Variants in DNAH11 observed in about 807,000 individuals in gnomAD.
DNAH11 encodes the protein axonemal beta dynein heavy chain 11.
A neutral mutation model predicts 526.0 loss-of-function variants in DNAH11; 442 were observed. That is an observed-to-expected ratio of 0.84 (90% CI 0.78 to 0.91). The LOEUF is 0.91. Among genes scored for constraint, DNAH11 ranks in the 40% least tolerant of loss-of-function variants. The pLI is 0.00. For missense variants in DNAH11, 6,989 were observed against 5,448.7 expected (o/e 1.28, Z -8.90); for synonymous variants, 2,461 against 1,935.9 (o/e 1.27, Z -7.12).
chr7:21,635,945 A>C lies in DNAH11; in HGVS notation c.4575A>C (p.Lys1525Asn). 1.9e-6 allele frequency: 3 copies of C among 1,613,506 alleles called. No homozygotes were observed. The highest frequency in any genetic ancestry group is 2.5e-6 in the Non-Finnish European group (3 of 1,179,678). The change falls in exon 26 of 82, where the codon AAA (lysine) becomes AAC (asparagine). Residue 1525 changes from lysine to asparagine, a missense_variant. Transcript: ENST00000409508. Reference sequence around the variant, plus strand: ...AGCAAGTGTTAAGCTGGCAAAATAAATTAAACATAGCAGACTTGGTCATCT... The same window carrying C: ...AGCAAGTGTTAAGCTGGCAAAATAACTTAAACATAGCAGACTTGGTCATCT... ...FIEQVLSWQN[K>N]LNIADLVIFT... is the part of the protein sequence containing the mutation.
At chr7:21,763,112 G>T (rs1419676120) in intron 54 of DNAH11, among the ~76,000 whole-genome samples, 2 of 152,118 alleles carry the variant, frequency 1.3e-5, no homozygotes, top group Non-Finnish European at 1.5e-5. Flanking sequence ...GAGATGCTGA[G>T]GCAGGTGGAT....
chr7:21,719,455 T>A (rs1453556479), intron 43 of DNAH11, among the ~76,000 whole-genome samples: 1 of 152,206 alleles, frequency 6.6e-6, no homozygotes, highest in East Asian at 1.9e-4. Context: ...CACATGGCCG[T>A]ATTCGTGTGT....
intron 30 of DNAH11, among the ~76,000 whole-genome samples, chr7:21,672,906 A>G (rs908051887): frequency 2.0e-5 from 3 of 152,154 alleles, no homozygotes; most frequent in Admixed American, 6.5e-5. Context: ...TAGGTCTGAC[A>G]TTGTCCTACA....
At chr7:21,827,512 A>G (rs1790356136) in intron 65 of DNAH11, among the ~76,000 whole-genome samples, 1 of 151,784 alleles carries the variant, frequency 6.6e-6, no homozygotes, top group Admixed American at 6.6e-5. Context: ...TGGAGTATAT[A>G]CATATATTAT....
At chr7:21,874,369 C>G (rs1783621429) in intron 74 of DNAH11, among the ~76,000 whole-genome samples, 1 of 150,186 alleles carries the variant, frequency 6.7e-6, no homozygotes, top group Admixed American at 6.6e-5. Context: ...GAGTTTTGCT[C>G]TTGTCGCCCA....
chr7:21,829,595 A>T (rs1019582722), intron 65 of DNAH11, among the ~76,000 whole-genome samples: 1 of 152,156 alleles, frequency 6.6e-6, no homozygotes, highest in African/African-American at 2.4e-5. Flanking sequence ...GAAAATAGTG[A>T]TGGTGTTTGT....
chr7:21,612,897 A>G (rs1230122775), intron 20 of DNAH11, among the ~76,000 whole-genome samples: 1 of 151,882 alleles, frequency 6.6e-6, no homozygotes, highest in Admixed American at 6.5e-5. Flanking sequence ...AATTAGGGAG[A>G]AAAAATCGTA....
chr7:21,793,419 C>G (rs1239203252), intron 61 of DNAH11, among the ~76,000 whole-genome samples: 1 of 151,826 alleles, frequency 6.6e-6, no homozygotes, highest in African/African-American at 2.4e-5. Flanking sequence ...AGATTGAGAC[C>G]ATCCTGGCCA....
intron 14 of DNAH11, among the ~76,000 whole-genome samples, chr7:21,594,744 G>A (rs1353764972): frequency 6.6e-6 from 1 of 152,080 alleles, no homozygotes; most frequent in Non-Finnish European, 1.5e-5. Flanking sequence ...GTAAGTGTGG[G>A]GGGAGTAGAG....
intron 57 of DNAH11, among the ~76,000 whole-genome samples, chr7:21,780,152 A>C (rs1252592209): frequency 6.6e-6 from 1 of 152,144 alleles, no homozygotes; most frequent in Non-Finnish European, 1.5e-5. Context: ...AAAATTGAAG[A>C]TAAGGCACAT....
intron 75 of DNAH11, among the ~76,000 whole-genome samples, chr7:21,883,904 G>A (rs993898072): frequency 2.6e-5 from 4 of 152,152 alleles, no homozygotes; most frequent in African/African-American, 9.7e-5. Flanking sequence ...TTAGCGAGAT[G>A]TAGTGTCCTG....
intron 28 of DNAH11, among the ~76,000 whole-genome samples, chr7:21,652,966 T>C (rs1407992236): frequency 6.6e-6 from 1 of 152,086 alleles, no homozygotes; most frequent in Non-Finnish European, 1.5e-5. Context: ...AACCTCTGCC[T>C]CCCAGGTTCA....
intron 55 of DNAH11, among the ~76,000 whole-genome samples, chr7:21,767,718 A>G (rs933978275): frequency 6.6e-6 from 1 of 152,254 alleles, no homozygotes; most frequent in Admixed American, 6.5e-5. Flanking sequence ...ATTATAATTC[A>G]GAGTACAATG....
intron 74 of DNAH11, among the ~76,000 whole-genome samples, chr7:21,878,129 A>G (rs1222243348): frequency 6.6e-6 from 1 of 152,206 alleles, no homozygotes; most frequent in Non-Finnish European, 1.5e-5. Context: ...TTTTTTAAAT[A>G]TTTCCTTATC....
intron 36 of DNAH11, among the ~76,000 whole-genome samples, chr7:21,700,876 AC>A (rs1170513858): frequency 1.3e-5 from 2 of 152,104 alleles, no homozygotes; most frequent in African/African-American, 2.4e-5. Context: ...ACCAAACACC[AC>A]ATATTCTCAC....
intron 8 of DNAH11, among the ~76,000 whole-genome samples, chr7:21,578,656 G>C (rs1784193634): frequency 6.6e-6 from 1 of 152,218 alleles, no homozygotes; most frequent in African/African-American, 2.4e-5. Flanking sequence ...CCCTAGCAGA[G>C]GTTCTCCATG....
At chr7:21,581,379 C>T (rs1784301675) in intron 8 of DNAH11, among the ~76,000 whole-genome samples, 1 of 152,126 alleles carries the variant, frequency 6.6e-6, no homozygotes, top group South Asian at 2.1e-4. Context: ...TATTTGTTTC[C>T]TCTGTATCAC....
At chr7:21,556,275 C>T (rs1344565429) in intron 2 of DNAH11, among the ~76,000 whole-genome samples, 1 of 152,124 alleles carries the variant, frequency 6.6e-6, no homozygotes, top group Non-Finnish European at 1.5e-5. Flanking sequence ...TGCGATTTGT[C>T]ACATCTGCAG....
At chr7:21,648,284 C>T (rs971977028) in intron 28 of DNAH11, among the ~76,000 whole-genome samples, 1 of 152,204 alleles carries the variant, frequency 6.6e-6, no homozygotes, top group Non-Finnish European at 1.5e-5. Context: ...CAAATTCTTT[C>T]CCTTCCTGTA....
Sources: allele counts gnomAD v4.1 joint callset (sites outside exome capture counted in the v4.1 genomes callset), GRCh38; gene constraint gnomAD v4.1.1; transcripts MANE v1.5; gene names NCBI Gene and HGNC (gene_info 2026-07-23, HGNC 2026-07-21).